Variants in FSTL4 observed in about 807,000 individuals in gnomAD.
FSTL4 encodes follistatin-related protein 4.
Under a neutral mutation model 78.2 loss-of-function variants are expected in FSTL4, and 28 were observed. The ratio of observed to expected loss-of-function variants is 0.36; its 90% CI spans 0.27 to 0.49. The LOEUF is 0.49. Ranked by LOEUF, FSTL4 falls within the 20% of genes least tolerant of loss-of-function variation. The pLI is 0.98. For missense variants in FSTL4, 922 were observed against 1,084.9 expected, an observed-to-expected ratio of 0.85 and a Z score of 2.11; for synonymous variants, 422 against 440.5, an observed-to-expected ratio of 0.96 and a Z score of 0.53.
intron 3 of FSTL4, among the ~76,000 whole-genome samples, chr5:133,477,729 C>T (rs1039533353): frequency 2.0e-4 from 31 of 152,154 alleles, no homozygotes; most frequent in Admixed American, 1.8e-3. Flanking sequence ...TTGGTTTGGG[C>T]GGCAACTTTT....
the FSTL4 span, among the ~76,000 whole-genome samples, chr5:133,739,409 C>T: frequency 3.3e-5 from 5 of 151,872 alleles, no homozygotes; most frequent in South Asian, 8.3e-4. Flanking sequence ...TACAAAGGAA[C>T]CCACTGCCAG....
intron 3 of FSTL4, among the ~76,000 whole-genome samples, chr5:133,422,193 C>A (rs887589500): frequency 9.2e-5 from 14 of 152,126 alleles, no homozygotes; most frequent in Admixed American, 8.5e-4. Context: ...GGGGACAGAG[C>A]AGCAGGGCTG....
At chr5:133,618,948 T>G in the FSTL4 span, among the ~76,000 whole-genome samples, 1 of 152,224 alleles carries the variant, frequency 6.6e-6, no homozygotes, top group African/African-American at 2.4e-5. Flanking sequence ...AAACCAAACA[T>G]GTAGTCTAAG....
intron 3 of FSTL4, among the ~76,000 whole-genome samples, chr5:133,496,230 T>C (rs761715902): frequency 1.2e-4 from 19 of 152,200 alleles, no homozygotes; most frequent in Non-Finnish European, 2.2e-4. Context: ...CAGGGAGATG[T>C]AGCAAATGCT....
chr5:133,347,001 G>T (rs1754709312), intron 4 of FSTL4, among the ~76,000 whole-genome samples: 1 of 151,484 alleles, frequency 6.6e-6, no homozygotes, highest in Non-Finnish European at 1.5e-5. Context: ...TCCCTCTAAA[G>T]GTTTTTTTTT....
At chr5:133,662,998 C>G in the FSTL4 span, among the ~76,000 whole-genome samples, 1 of 152,138 alleles carries the variant, frequency 6.6e-6, no homozygotes, top group Non-Finnish European at 1.5e-5. Context: ...CAAAAGCTTA[C>G]ATATTGTACA....
the FSTL4 span, among the ~76,000 whole-genome samples, chr5:133,652,082 A>G: frequency 6.6e-6 from 1 of 152,090 alleles, no homozygotes; most frequent in Non-Finnish European, 1.5e-5. Context: ...TTTAATGTCC[A>G]TGGGATCTAT....
chr5:133,739,398 C>T, the FSTL4 span, among the ~76,000 whole-genome samples: 3 of 151,858 alleles, frequency 2.0e-5, no homozygotes, highest in Non-Finnish European at 4.4e-5. Flanking sequence ...CGAGGAACAG[C>T]TACAAAGGAA....
chr5:133,701,415 AAAGAAAG>A, the FSTL4 span, among the ~76,000 whole-genome samples: 1 of 149,964 alleles, frequency 6.7e-6, no homozygotes, highest in African/African-American at 2.5e-5. Flanking sequence ...AAAAAAAAAA[AAAGAAAG>A]AAAGAAAAGA....
rs143042152 is a variant in FSTL4 at position 133,413,717 on chromosome 5, G to A, written c.161-12731C>T. ...TATTTAAGTATCTCTTATCTCTTTCGCATTTCCCATCTTTGGTTTTTCTAT... is the reference window on the plus strand; with the variant it reads ...TATTTAAGTATCTCTTATCTCTTTCACATTTCCCATCTTTGGTTTTTCTAT... On this transcript the variant is annotated intron_variant, in intron 3 of 15. Transcript: ENST00000265342. 4.6e-5 allele frequency among the ~76,000 whole-genome samples: 7 copies of A among 151,510 alleles called. No homozygotes were observed. The East Asian group carries it at 5.8e-4, about 13-fold the overall frequency.
At chr5:133,274,005 A>G (rs1015092470) in intron 6 of FSTL4, among the ~76,000 whole-genome samples, 1 of 152,218 alleles carries the variant, frequency 6.6e-6, no homozygotes, top group African/African-American at 2.4e-5. Flanking sequence ...TCCTTGGGGA[A>G]CAAAGTCTTC....
the FSTL4 span, among the ~76,000 whole-genome samples, chr5:133,837,081 C>T: frequency 6.6e-6 from 1 of 152,044 alleles, no homozygotes; most frequent in African/African-American, 2.4e-5. Context: ...GACCATTTTA[C>T]CACCTCACAT....
At chr5:133,827,221 G>A in the FSTL4 span, among the ~76,000 whole-genome samples, 1 of 152,182 alleles carries the variant, frequency 6.6e-6, no homozygotes, top group Non-Finnish European at 1.5e-5. Context: ...CTCCATCCAG[G>A]CTTTGTTTGC....
intron 12 of FSTL4, among the ~76,000 whole-genome samples, chr5:133,220,109 T>C (rs1411656722): frequency 6.6e-6 from 1 of 152,250 alleles, no homozygotes; most frequent in Non-Finnish European, 1.5e-5. Context: ...CTGAGTGAAT[T>C]GTGCACAGTT....
intron 1 of FSTL4, among the ~76,000 whole-genome samples, chr5:133,609,432 C>T (rs889120150): frequency 6.6e-6 from 1 of 152,170 alleles, no homozygotes; most frequent in Non-Finnish European, 1.5e-5. Context: ...AAAAAAGCCA[C>T]ATCAACCCCA....
chr5:133,355,019 C>A (rs1165548900), intron 4 of FSTL4, among the ~76,000 whole-genome samples: 1 of 152,216 alleles, frequency 6.6e-6, no homozygotes, highest in Non-Finnish European at 1.5e-5. Context: ...CGGTCTCTGG[C>A]TGTGGTTGAT....
intron 3 of FSTL4, among the ~76,000 whole-genome samples, chr5:133,418,990 G>A (rs780102490): frequency 5.9e-5 from 9 of 152,250 alleles, no homozygotes; most frequent in African/African-American, 1.2e-4. Flanking sequence ...ATGGGATCAC[G>A]TAGTAGATGC....
chr5:133,676,948 A>G, the FSTL4 span, among the ~76,000 whole-genome samples: 2 of 152,256 alleles, frequency 1.3e-5, no homozygotes, highest in African/African-American at 4.8e-5. Context: ...TCAAACATCT[A>G]TAGATATAAT....
chr5:133,642,350 T>C, the FSTL4 span, among the ~76,000 whole-genome samples: 14 of 152,196 alleles, frequency 9.2e-5, no homozygotes, highest in African/African-American at 3.4e-4. Flanking sequence ...GGTTTTCTCA[T>C]CAGTGCAGTT....
Sources: gnomAD v4.1 joint callset for allele counts (sites outside exome capture counted in the v4.1 genomes callset) on GRCh38, gnomAD v4.1.1 for gene constraint, MANE v1.5 for transcripts, NCBI Gene and HGNC (gene_info 2026-07-23, HGNC 2026-07-21) for gene names.